Variants in ARAP2 observed in about 807,000 individuals in gnomAD.
ARAP2 encodes the protein arf-GAP with Rho-GAP domain, ANK repeat and PH domain-containing protein 2.
In ARAP2, 148 loss-of-function variants were observed where a neutral mutation model predicts 194.5. That is an observed-to-expected ratio of 0.76 (90% CI 0.67 to 0.87). ARAP2 has a LOEUF of 0.87. ARAP2 is among the 40% of genes least tolerant of loss of function. The pLI is 0.00. For synonymous variants in ARAP2, 695 were observed against 683.5 expected (o/e 1.02, Z -0.26); for missense variants, 2,128 against 1,989.7 (o/e 1.07, Z -1.32).
chr4:36,129,922 C>G (rs1725003809), intron 20 of ARAP2, among the ~76,000 whole-genome samples: 1 of 151,838 alleles, frequency 6.6e-6, no homozygotes, highest in African/African-American at 2.4e-5. Context: ...TGTTTACTAC[C>G]TCACCTTCCA....
intron 5 of ARAP2, among the ~76,000 whole-genome samples, chr4:36,040,747 A>G (rs1720723003): frequency 6.6e-6 from 1 of 152,186 alleles, no homozygotes; most frequent in Non-Finnish European, 1.5e-5. Flanking sequence ...GGTCGAGAGT[A>G]CGGGGTTTCT....
rs531996398 is a variant in ARAP2 at position 36,051,354 on chromosome 4, C to T, written n.369+652G>A. ...ATTAGCTGGGAGTGGTGGCGGGCGC[C>T]TGTTGCCAGCTACTCGGGAGGCTGA... On this transcript the variant is annotated intron_variant and non_coding_transcript_variant, in intron 3 of 12. Coordinates refer to the ARAP2 transcript ENST00000503225. Among the ~76,000 whole-genome samples the T allele has an allele frequency of 2.0e-5, 3 of 152,206 alleles. No homozygotes were observed. The South Asian group carries it at 6.2e-4, about 32-fold the overall frequency.
intron 7 of ARAP2, among the ~76,000 whole-genome samples, chr4:36,190,592 AC>A (rs1272222134): frequency 1.3e-5 from 2 of 152,196 alleles, no homozygotes; most frequent in Admixed American, 6.5e-5. Context: ...GCTTAGTGTA[AC>A]AGTCTCCTGG....
intron 5 of ARAP2, among the ~76,000 whole-genome samples, chr4:36,034,287 T>G (rs1440395872): frequency 6.6e-6 from 1 of 152,142 alleles, no homozygotes; most frequent in African/African-American, 2.4e-5. Context: ...ATGAAAATAT[T>G]TTCCATATGT....
In ARAP2 at chr4:36,210,433, T is replaced by C. The variant is rs747283551; in HGVS notation, c.1444A>G (p.Lys482Glu). 2.5e-6 allele frequency: 4 copies of C among 1,613,670 alleles called. No individual in the cohort carries two copies. The highest frequency in any genetic ancestry group is 3.4e-6 in the Non-Finnish European group (4 of 1,179,752). ...TCCAGCCATCCTGATTTAACCTTCT[T>C]TGCAGATGCTCCATAAAAGCAGGCA... Reference protein sequence around the residue: ...PYACFYGASAKKVKSGWLDKL... With the variant: ...PYACFYGASAEKVKSGWLDKL... Residue 482 changes from lysine to glutamate, a missense_variant, in exon 6 of 33, where the codon AAG becomes GAG. By Grantham distance (56) the Lys-to-Glu change is moderately conservative. Coordinates refer to ENST00000303965, the MANE Select transcript of ARAP2 (RefSeq NM_015230.4).
At chr4:36,083,967 C>T (rs1168931672) in intron 28 of ARAP2, among the ~76,000 whole-genome samples, 2 of 152,110 alleles carry the variant, frequency 1.3e-5, no homozygotes, top group African/African-American at 4.8e-5. Context: ...CTTCATCTTT[C>T]TCTGTGCTGG....
chr4:36,155,651 A>AT (rs35441865), intron 15 of ARAP2, among the ~76,000 whole-genome samples: 239 of 146,976 alleles, frequency 1.6e-3, no homozygotes, highest in Middle Eastern at 3.5e-3. Flanking sequence ...TTTTTTATTT[A>AT]TTTTTTTTTT....
chr4:36,019,878 C>T (rs924013237), intron 5 of ARAP2, among the ~76,000 whole-genome samples: 2 of 152,104 alleles, frequency 1.3e-5, no homozygotes, highest in Non-Finnish European at 2.9e-5. Flanking sequence ...TCTCCTTATG[C>T]AAGAGAGCTA....
chr4:36,210,584 C>T lies in ARAP2; in HGVS notation c.1293G>A (p.Lys431=), dbSNP rs763362424. The T allele has an allele frequency of 2.9e-5, 47 of 1,613,746 alleles. No homozygotes were observed. The highest frequency in any genetic ancestry group is 1.6e-4 in the Middle Eastern group (1 of 6,084). ...CFQSLRRKNS[K]ASKSRTQKAL... ...CTTTTTGAGTCCTAGATTTAGATGCCTTTGAATTTTTTCTTCTTAAACTCT... is the reference window on the plus strand; with the variant it reads ...CTTTTTGAGTCCTAGATTTAGATGCTTTTGAATTTTTTCTTCTTAAACTCT... Residue 431 remains lysine (K), a synonymous_variant, in exon 6 of 33, where the codon AAG becomes AAA. Coordinates refer to ENST00000303965, the MANE Select transcript of ARAP2 (RefSeq NM_015230.4).
intron 2 of ARAP2, among the ~76,000 whole-genome samples, chr4:36,054,396 T>C (rs1723159832): frequency 6.6e-6 from 1 of 152,212 alleles, no homozygotes; most frequent in South Asian, 2.1e-4. Context: ...AGATAATTGG[T>C]AAGTAGAGAG....
intron 20 of ARAP2, among the ~76,000 whole-genome samples, chr4:36,130,627 C>A (rs1455233989): frequency 1.3e-5 from 2 of 151,866 alleles, no homozygotes; most frequent in Non-Finnish European, 2.9e-5. Context: ...AACCTCTTTA[C>A]TAGAGAATTT....
At chr4:36,107,163 TATAGCAAGC>T (rs1290382219) in intron 27 of ARAP2, among the ~76,000 whole-genome samples, 1 of 151,996 alleles carries the variant, frequency 6.6e-6, no homozygotes, top group Non-Finnish European at 1.5e-5. Context: ...ATGTGAGATA[TATAGCAAGC>T]ACTCTATCTC....
At chr4:36,238,243 C>T (rs1213566760) in intron 1 of ARAP2, among the ~76,000 whole-genome samples, 1 of 152,166 alleles carries the variant, frequency 6.6e-6, no homozygotes, top group African/African-American at 2.4e-5. Context: ...TCTTTCCCAC[C>T]CACCAAAACA....
intron 4 of ARAP2, 61 bp from the exon 5 acceptor site, chr4:36,212,548 G>T (rs1440935522): frequency 2.7e-6 from 3 of 1,125,296 alleles, no homozygotes; most frequent in Non-Finnish European, 4.0e-6. Flanking sequence ...TTGGGGATTT[G>T]TTTGTATGTG....
At chr4:36,014,295 A>AGAGAAGAGAAG (rs202070748) in intron 8 of ARAP2, among the ~76,000 whole-genome samples, 2 of 143,254 alleles carry the variant, frequency 1.4e-5, no homozygotes, top group South Asian at 2.2e-4. Flanking sequence ...GAAAGAAAGA[A>AGAGAAGAGAAG]AGAAGAGAAG....
Position 36,148,497 on chromosome 4 carries a change from T to C in ARAP2, c.2908A>G (p.Ile970Val). Residue 970 changes from isoleucine (I) to valine (V), a missense_variant, in exon 17 of 33, where the codon ATC becomes GTC. Transcript: ENST00000303965. The stretch of plus-strand genomic sequence containing the variant: ...TCGGAGGGTAAGTAGATCTCAAAGA[T>C]AAAGATGGGCCTAAAACATGCACAA... ...DFYLNTGPIF[I>V]FEIYLPSERV... is the part of the protein sequence containing the mutation. 6.2e-7 allele frequency: 1 copy of C among 1,612,372 alleles called. No individual in the cohort carries two copies. The highest frequency in any genetic ancestry group is 8.5e-7 in the Non-Finnish European group (1 of 1,178,874).
chr4:36,161,984 T>A (rs1734137482), intron 11 of ARAP2, among the ~76,000 whole-genome samples: 1 of 151,762 alleles, frequency 6.6e-6, no homozygotes, highest in Non-Finnish European at 1.5e-5. Context: ...GGCAGGCACC[T>A]GTAGTCCCAG....
chr4:36,171,494 G>A (rs961414363), intron 9 of ARAP2, among the ~76,000 whole-genome samples: 2 of 151,898 alleles, frequency 1.3e-5, no homozygotes, highest in African/African-American at 2.4e-5. Context: ...CACAGGAAGG[G>A]GAACATCACA....
intron 17 of ARAP2, 67 bp from the exon 18 acceptor site, chr4:36,147,813 A>C (rs1730009037): frequency 7.9e-7 from 1 of 1,266,856 alleles, no homozygotes; most frequent in African/African-American, 1.5e-5. Context: ...CTATCTACTG[A>C]TATGAGAGAA....
Sources: allele counts gnomAD v4.1 joint callset (sites outside exome capture counted in the v4.1 genomes callset), GRCh38; gene constraint gnomAD v4.1.1; transcripts MANE v1.5; gene names NCBI Gene and HGNC (gene_info 2026-07-23, HGNC 2026-07-21).